PPP1R12A: variants seen among roughly 807,000 people sequenced by gnomAD.
PPP1R12A encodes the protein protein phosphatase 1 regulatory subunit 12A, also known as myosin binding subunit.
Under a neutral mutation model 139.6 loss-of-function variants are expected in PPP1R12A, and 19 were observed. The ratio of observed to expected loss-of-function variants is 0.14; its 90% CI spans 0.09 to 0.20. The LOEUF (loss-of-function observed/expected upper bound fraction) is 0.20, where lower values mean the gene tolerates loss of function less well. Among genes scored for constraint, PPP1R12A ranks in the 10% least tolerant of loss-of-function variants. The probability of loss-of-function intolerance (pLI) is 1.00; values close to 1 mark genes in which losing one functional copy is unlikely to be tolerated. For missense variants in PPP1R12A, 925 were observed against 1,211.5 expected (o/e 0.76, Z 3.51); for synonymous variants, 427 against 420.6 (o/e 1.02, Z -0.19).
chr12:79,834,921 A>G (rs1271187339), intron 3 of PPP1R12A, among the ~76,000 whole-genome samples: 1 of 152,116 alleles, frequency 6.6e-6, no homozygotes, highest in Non-Finnish European at 1.5e-5. Context: ...GTGATTGTTA[A>G]TTGTGTCAAC....
In PPP1R12A at chr12:79,852,392, C is replaced by T. The variant is rs566864195; in HGVS notation, c.369-6972G>A. 2.0e-4 allele frequency among the ~76,000 whole-genome samples: 30 copies of T among 151,682 alleles called. No individual in the cohort carries two copies. In the East Asian group the frequency reaches 3.5e-3, roughly 18 times the overall value. Reference sequence around the variant, plus strand: ...TCTTTTTTTGGTAGAGATGAGGTTTCGCCATGTTGCGCAGGCTGGTCTCAA... The same window carrying T: ...TCTTTTTTTGGTAGAGATGAGGTTTTGCCATGTTGCGCAGGCTGGTCTCAA... On this transcript the variant is annotated intron_variant, in intron 2 of 24. Transcript: ENST00000450142.
intron 5 of PPP1R12A, among the ~76,000 whole-genome samples, chr12:79,822,979 A>AATT (rs1876306403): frequency 6.6e-6 from 1 of 152,112 alleles, no homozygotes; most frequent in Non-Finnish European, 1.5e-5. Flanking sequence ...CCTAAAACTT[A>AATT]ATTAACTTCT....
chr12:79,817,822 A>C (rs895723063), intron 8 of PPP1R12A, among the ~76,000 whole-genome samples: 7 of 152,246 alleles, frequency 4.6e-5, no homozygotes, highest in Non-Finnish European at 8.8e-5. Context: ...TAAGATTTAA[A>C]ACTTGAATGC....
chr12:79,820,631 T>C (rs995627614), intron 8 of PPP1R12A, 143 bp downstream of exon 8: 9 of 780,474 alleles, frequency 1.2e-5, no homozygotes, highest in Non-Finnish European at 1.8e-5. Flanking sequence ...GTTTCTAGCA[T>C]TCACTGAAAG....
At chr12:79,928,810 C>A (rs1338372893) in intron 1 of PPP1R12A, among the ~76,000 whole-genome samples, 1 of 152,108 alleles carries the variant, frequency 6.6e-6, no homozygotes, top group Non-Finnish European at 1.5e-5. Context: ...CCTTTACTGA[C>A]GAGAGGATCA....
intron 22 of PPP1R12A, among the ~76,000 whole-genome samples, chr12:79,784,813 A>T (rs1191751396): frequency 1.3e-5 from 2 of 151,790 alleles, no homozygotes; most frequent in African/African-American, 4.8e-5. Flanking sequence ...TTTTTTCTGT[A>T]TTTTTAGTAG....
At chr12:79,905,111 G>A (rs1885983132) in intron 1 of PPP1R12A, among the ~76,000 whole-genome samples, 1 of 151,978 alleles carries the variant, frequency 6.6e-6, no homozygotes, top group African/African-American at 2.4e-5. Context: ...TTCTATTCAT[G>A]TTTTACTATA....
chr12:79,864,746 C>G (rs1269885907), intron 2 of PPP1R12A, among the ~76,000 whole-genome samples: 1 of 152,164 alleles, frequency 6.6e-6, no homozygotes, highest in African/African-American at 2.4e-5. Context: ...TTCCTCGACA[C>G]ATACACCCTT....
At chr12:79,862,059 C>T (rs921111063) in intron 2 of PPP1R12A, among the ~76,000 whole-genome samples, 1 of 152,128 alleles carries the variant, frequency 6.6e-6, no homozygotes, top group African/African-American at 2.4e-5. Flanking sequence ...CACCTCCCAG[C>T]AGAAGAAAAC....
At chr12:79,808,381 C>G in intron 11 of PPP1R12A, 102 bp downstream of exon 11, 1 of 797,560 alleles carries the variant, frequency 1.3e-6, no homozygotes, top group Non-Finnish European at 2.0e-6. Flanking sequence ...TCTCTTCCCA[C>G]AATACATATC....
chr12:79,903,782 A>C (rs1020223228), intron 1 of PPP1R12A, among the ~76,000 whole-genome samples: 6 of 152,184 alleles, frequency 3.9e-5, no homozygotes, highest in African/African-American at 1.4e-4. Context: ...AGGTAAATAT[A>C]AATACAATCA....
In PPP1R12A at chr12:79,788,631, CTAAA is replaced by C; in HGVS notation, c.2802+13_2802+16del. 1 of 1,586,140 alleles carries C rather than the reference CTAAA, an allele frequency of 6.3e-7. No homozygotes were observed. Among genetic ancestry groups the C allele is most frequent in the Non-Finnish European group, 8.6e-7 (1 of 1,169,532 alleles). ...AAAGATAACTTTTTATTAAATATAA[CTAAA>C]TAACCCAAGTACCTTTTTAAAGTCA... On this transcript the variant is annotated intron_variant, in intron 21 of 24. Coordinates refer to ENST00000450142, the MANE Select transcript of PPP1R12A (RefSeq NM_002480.3).
intron 5 of PPP1R12A, chr12:79,825,360 T>C (rs1235613517): frequency 6.6e-6 from 1 of 152,028 alleles, no homozygotes; most frequent in African/African-American, 2.4e-5. Flanking sequence ...TAGTCAATAT[T>C]TAAAGAAAGA....
chr12:79,780,254 T>C (rs1281235519), intron 23 of PPP1R12A: 1 of 151,402 alleles, frequency 6.6e-6, no homozygotes, highest in African/African-American at 2.4e-5. Flanking sequence ...AAAAAAAATA[T>C]GGTTTAGAGA....
intron 1 of PPP1R12A, among the ~76,000 whole-genome samples, chr12:79,904,455 C>A (rs1885919116): frequency 6.6e-6 from 1 of 152,072 alleles, no homozygotes; most frequent in South Asian, 2.1e-4. Context: ...AATATTACCT[C>A]CCTTTTCCCT....
At chr12:79,901,294 A>G (rs1247185848) in intron 1 of PPP1R12A, among the ~76,000 whole-genome samples, 4 of 152,146 alleles carry the variant, frequency 2.6e-5, no homozygotes, top group Non-Finnish European at 5.9e-5. Context: ...CCCTTTCAGT[A>G]GGGCTCCTTT....
intron 18 of PPP1R12A, among the ~76,000 whole-genome samples, chr12:79,794,971 G>C (rs1271441776): frequency 6.6e-6 from 1 of 150,686 alleles, no homozygotes; most frequent in African/African-American, 2.4e-5. Context: ...GATAGGGATT[G>C]AGAGGGAGAA....
intron 23 of PPP1R12A, chr12:79,779,789 A>T: frequency 2.4e-5 from 4 of 163,578 alleles, no homozygotes; most frequent in East Asian, 1.6e-4. Flanking sequence ...TCAAGATTTT[A>T]AATTAGTGGT....
chr12:79,808,043 A>G (rs1378555964), intron 11 of PPP1R12A, among the ~76,000 whole-genome samples: 1 of 151,544 alleles, frequency 6.6e-6, no homozygotes, highest in Non-Finnish European at 1.5e-5. Flanking sequence ...CTCAAAAAAA[A>G]TAAAAATAAA....
Sources: gnomAD v4.1 joint callset for allele counts (sites outside exome capture counted in the v4.1 genomes callset) on GRCh38, gnomAD v4.1.1 for gene constraint, MANE v1.5 for transcripts, NCBI Gene and HGNC (gene_info 2026-07-23, HGNC 2026-07-21) for gene names.